The following RABGAP1 variants were observed in gnomAD, a reference collection of about 807,000 sequenced individuals.
RABGAP1 encodes the protein rab GTPase-activating protein 1.
A neutral mutation model predicts 137.6 loss-of-function variants in RABGAP1; 23 were observed. The ratio of observed to expected loss-of-function variants is 0.17; its 90% confidence interval spans 0.12 to 0.24. The LOEUF is 0.24. RABGAP1 is among the 10% of genes least tolerant of loss of function. The pLI is 1.00. For synonymous variants in RABGAP1, 451 were observed against 450.7 expected (o/e 1.00, Z -0.01); for missense variants, 906 against 1,275.8 (o/e 0.71, Z 4.42).
intron 1 of RABGAP1, among the ~76,000 whole-genome samples, chr9:122,948,279 G>A (rs1420749897): frequency 6.6e-6 from 1 of 152,110 alleles, no homozygotes; most frequent in South Asian, 2.1e-4. Context: ...GTACAACTGG[G>A]AGCAGCATAG....
chr9:123,009,135 AACTC>A (rs2030574144), intron 10 of RABGAP1, among the ~76,000 whole-genome samples: 1 of 152,022 alleles, frequency 6.6e-6, no homozygotes. Flanking sequence ...AACACAGCCA[AACTC>A]ACTCATTTAT....
intron 1 of RABGAP1, among the ~76,000 whole-genome samples, chr9:122,952,514 C>T (rs1174904029): frequency 1.3e-5 from 2 of 152,100 alleles, no homozygotes; most frequent in African/African-American, 2.4e-5. Context: ...GTGATCTGCC[C>T]GCCTCGGCCT....
intron 2 of RABGAP1, chr9:122,971,695 G>A (rs1835481083): frequency 6.6e-6 from 1 of 152,164 alleles, no homozygotes; most frequent in Admixed American, 6.5e-5. Flanking sequence ...CAGCAGATAT[G>A]TTAAACAGCA....
chr9:123,038,310 T>C (rs1414689019), intron 13 of RABGAP1, among the ~76,000 whole-genome samples: 2 of 152,200 alleles, frequency 1.3e-5, no homozygotes, highest in Non-Finnish European at 2.9e-5. Context: ...CCTTTTATAA[T>C]GGCTTTTACT....
chr9:123,043,657 G>A (rs989394654), intron 13 of RABGAP1, among the ~76,000 whole-genome samples: 3 of 148,756 alleles, frequency 2.0e-5, no homozygotes, highest in Non-Finnish European at 4.5e-5. Flanking sequence ...AGGAGGGTGG[G>A]TGTAACAGAG....
At chr9:122,991,432 G>GT (rs1418451760) in intron 6 of RABGAP1, among the ~76,000 whole-genome samples, 5 of 152,060 alleles carry the variant, frequency 3.3e-5, no homozygotes, top group African/African-American at 4.8e-5. Context: ...ACAGTGATTG[G>GT]TTTATTAGAT....
intron 21 of RABGAP1, among the ~76,000 whole-genome samples, chr9:123,096,390 T>C (rs1394073258): frequency 6.6e-6 from 1 of 151,724 alleles, no homozygotes; most frequent in Non-Finnish European, 1.5e-5. Flanking sequence ...GCTATAGAAA[T>C]GTCAGATAAA....
At chr9:123,010,590 T>G (rs574161993) in intron 11 of RABGAP1, 62 bp downstream of exon 11, 38 of 1,461,314 alleles carry the variant, frequency 2.6e-5, no homozygotes, top group Non-Finnish European at 3.3e-5. Context: ...ACTATTAAAA[T>G]CGTATCAGGG....
intron 10 of RABGAP1, among the ~76,000 whole-genome samples, chr9:123,001,247 A>G (rs1169430772): frequency 6.6e-6 from 1 of 152,150 alleles, no homozygotes; most frequent in African/African-American, 2.4e-5. Flanking sequence ...AGAGTCCTCT[A>G]CTAAGGAGAG....
upstream of RABGAP1, chr9:122,940,770 A>G (rs1430314878): frequency 2.0e-5 from 3 of 152,902 alleles, no homozygotes; most frequent in African/African-American, 4.8e-5. Flanking sequence ...TTGGCTGTCC[A>G]ACTCCAAATA....
intron 12 of RABGAP1, among the ~76,000 whole-genome samples, chr9:123,015,891 A>T (rs1311132572): frequency 1.3e-5 from 2 of 152,230 alleles, no homozygotes; most frequent in Non-Finnish European, 2.9e-5. Context: ...CAGAATAAAT[A>T]AGAAAAGTAT....
chr9:123,098,516 G>A lies in RABGAP1; in HGVS notation c.2734-199G>A, dbSNP rs571783467. On this transcript the variant is annotated intron_variant, in intron 22 of 25. Transcript: ENST00000373647. ...GAAATGGGGTCTGACGTTTTTGGAA[G>A]TTTTAACTGTTCTCTCCCTCTCCTG... 9.6e-4 allele frequency among the ~76,000 whole-genome samples: 146 copies of A among 152,298 alleles called. 1 individual carries two copies. Among genetic ancestry groups the A allele is most frequent in the Non-Finnish European group, 1.6e-3 (108 of 68,020 alleles).
intron 13 of RABGAP1, among the ~76,000 whole-genome samples, chr9:123,027,209 C>T (rs2032028741): frequency 6.6e-6 from 1 of 151,546 alleles, no homozygotes; most frequent in Non-Finnish European, 1.5e-5. Flanking sequence ...TTCCGCCTCC[C>T]AGGTTCAGTG....
chr9:123,078,781 A>G (rs1017186031), intron 19 of RABGAP1, among the ~76,000 whole-genome samples: 3 of 152,056 alleles, frequency 2.0e-5, no homozygotes, highest in African/African-American at 7.3e-5. Flanking sequence ...CTCCACATCT[A>G]TGCTCGTCGT....
intron 14 of RABGAP1, among the ~76,000 whole-genome samples, chr9:123,069,344 G>A (rs952904366): frequency 1.8e-4 from 27 of 152,154 alleles, no homozygotes; most frequent in African/African-American, 5.3e-4. Flanking sequence ...ACAGTGTTTC[G>A]TGAGCGCATG....
intron 13 of RABGAP1, chr9:123,033,859 T>C (rs1431782570): frequency 1.3e-5 from 2 of 152,270 alleles, no homozygotes; most frequent in Non-Finnish European, 2.9e-5. Context: ...TTATTAGTGG[T>C]AATTGTAGTG....
intron 19 of RABGAP1, among the ~76,000 whole-genome samples, chr9:123,083,838 A>G (rs1199188286): frequency 6.6e-6 from 1 of 152,172 alleles, no homozygotes; most frequent in Non-Finnish European, 1.5e-5. Context: ...GCATCCCTCA[A>G]ATACGAGTGT....
At chr9:123,004,008 A>G (rs2029966904) in intron 10 of RABGAP1, among the ~76,000 whole-genome samples, 1 of 152,252 alleles carries the variant, frequency 6.6e-6, no homozygotes, top group Admixed American at 6.5e-5. Flanking sequence ...TAGTATAACT[A>G]TAACTGGATA....
intron 13 of RABGAP1, among the ~76,000 whole-genome samples, chr9:123,057,760 A>G (rs927025340): frequency 3.5e-4 from 53 of 152,180 alleles, no homozygotes; most frequent in African/African-American, 1.0e-3. Flanking sequence ...CAGCCTGGGC[A>G]CCATTGAGCA....
Sources: gnomAD v4.1 joint callset for allele counts (sites outside exome capture counted in the v4.1 genomes callset) on GRCh38, gnomAD v4.1.1 for gene constraint, MANE v1.5 for transcripts, NCBI Gene and HGNC (gene_info 2026-07-23, HGNC 2026-07-21) for gene names.